Variants in SLC35F3 observed in about 807,000 individuals in gnomAD.
The protein encoded by SLC35F3 is putative thiamine transporter SLC35F3.
In SLC35F3, 25 loss-of-function variants were observed where a neutral mutation model predicts 49.9. The observed-to-expected ratio is 0.50, with a 90% confidence interval of 0.37 to 0.70. The LOEUF is 0.70. SLC35F3 is among the 30% of genes least tolerant of loss of function. The pLI is 0.00. For missense variants in SLC35F3, 525 were observed against 639.8 expected (o/e 0.82, Z 1.94); for synonymous variants, 275 against 265.4 (o/e 1.04, Z -0.35).
intron 2 of SLC35F3, among the ~76,000 whole-genome samples, chr1:234,203,722 A>G (rs1572093476): frequency 6.8e-6 from 1 of 147,410 alleles, no homozygotes; most frequent in African/African-American, 2.5e-5. Context: ...AAAAAAAAAA[A>G]GAATGGCTTC....
At chr1:234,031,798 G>C (rs558167934) in intron 2 of SLC35F3, among the ~76,000 whole-genome samples, 35 of 152,274 alleles carry the variant, frequency 2.3e-4, no homozygotes, top group African/African-American at 7.7e-4. Context: ...AAGGTCTCCT[G>C]CCTGTTATTC....
intron 2 of SLC35F3, among the ~76,000 whole-genome samples, chr1:234,197,275 CTT>C (rs1251746376): frequency 6.6e-6 from 1 of 152,144 alleles, no homozygotes; most frequent in Non-Finnish European, 1.5e-5. Flanking sequence ...ACAGTAAACT[CTT>C]TGGGCAGCCT....
rs1558267933 is a variant in SLC35F3, at chr1:234,231,777, CG to C, written c.608+39del. The C allele has an allele frequency of 6.4e-7, 1 of 1,559,454 alleles. No homozygotes were observed. The highest frequency in any genetic ancestry group is 1.7e-5 in the Admixed American group (1 of 57,470). On this transcript the variant is annotated intron_variant, in intron 3 of 7. Transcript: ENST00000366618. This position sits in a 1 kb window ranked among gnomAD's most constrained non-coding sequence, Gnocchi z 5.4. ...CCTGCATGAGGAGGCCTCCTGACCCCGGGCTGCTCCATCCAGCGCTGACTCT... is the reference window on the plus strand; with the variant it reads ...CCTGCATGAGGAGGCCTCCTGACCCCGGCTGCTCCATCCAGCGCTGACTCT...
At chr1:234,201,694 C>T (rs974675428) in intron 2 of SLC35F3, among the ~76,000 whole-genome samples, 2 of 152,108 alleles carry the variant, frequency 1.3e-5, no homozygotes, top group African/African-American at 2.4e-5. Flanking sequence ...CTTCTGAGGA[C>T]GGTCCCCACC....
intron 2 of SLC35F3, among the ~76,000 whole-genome samples, chr1:234,049,872 G>C (rs942898251): frequency 5.9e-5 from 9 of 152,120 alleles, no homozygotes; most frequent in Non-Finnish European, 1.2e-4. Flanking sequence ...CCACCTATGA[G>C]TAAGAACATA....
At position 234,085,550 on chromosome 1, in the gene SLC35F3, C is replaced by G. The variant is rs190162108; in HGVS notation, c.284-145867C>G. ...CATTTGCACGAATATGGCAATCAAT[C>G]TTGAGATGTAATTTGTATTGGGCTA... On this transcript the variant is annotated intron_variant, in intron 2 of 7. Transcript: ENST00000366618. Among the ~76,000 whole-genome samples, 3 of 152,318 alleles carry G rather than the reference C, an allele frequency of 2.0e-5. No individual in the cohort carries two copies. In the East Asian group the frequency reaches 5.8e-4, roughly 29 times the overall value.
chr1:233,945,773 C>T (rs546747775), intron 2 of SLC35F3, among the ~76,000 whole-genome samples: 1 of 152,312 alleles, frequency 6.6e-6, no homozygotes, highest in African/African-American at 2.4e-5. Flanking sequence ...GGCTCTCTGG[C>T]CTGCTGCCAC....
intron 2 of SLC35F3, among the ~76,000 whole-genome samples, chr1:234,054,535 T>C (rs1363382219): frequency 6.6e-6 from 1 of 152,216 alleles, no homozygotes; most frequent in East Asian, 1.9e-4. Context: ...TAGTTAGCCA[T>C]TCATCTAATG....
rs1571995267 is a variant in SLC35F3 at position 233,955,212 on chromosome 1, A to C, written c.283+49454A>C. On this transcript the variant is annotated intron_variant, in intron 2 of 7. Transcript: ENST00000366618. ...TGTTGGCTGGCTTCCTGTTATTTGC[A>C]ACAGAATTGATTCTCAACTGAGACA... is the stretch of plus-strand genomic sequence containing the variant. 2.0e-5 allele frequency among the ~76,000 whole-genome samples: 3 copies of C among 152,310 alleles called. No homozygotes were observed. In the South Asian group the frequency reaches 6.2e-4, roughly 32 times the overall value.
intron 2 of SLC35F3, among the ~76,000 whole-genome samples, chr1:234,106,958 A>G: frequency 6.6e-6 from 1 of 152,230 alleles, no homozygotes; most frequent in East Asian, 1.9e-4. Context: ...AAATTGTTTA[A>G]GTCACTTTTT....
chr1:234,079,066 C>T (rs939136949), intron 2 of SLC35F3, among the ~76,000 whole-genome samples: 5 of 151,784 alleles, frequency 3.3e-5, no homozygotes, highest in African/African-American at 4.8e-5. Flanking sequence ...TTTCCAATTT[C>T]AAAAGGTACT....
rs1172139664 is a variant in SLC35F3, at chr1:234,320,748, T to C, written c.1237+561T>C. 6.6e-6 allele frequency among the ~76,000 whole-genome samples: 1 copy of C among 152,164 alleles called. No homozygotes were observed. The highest frequency in any genetic ancestry group is 2.4e-5 in the African/African-American group (1 of 41,424). ...TTGCCCAGGAACTCGGGACTGCCCTTTGTTTTCCCCTGGGGACTCGTTGCC... is the reference window on the plus strand; with the variant it reads ...TTGCCCAGGAACTCGGGACTGCCCTCTGTTTTCCCCTGGGGACTCGTTGCC... On this transcript the variant is annotated intron_variant, in intron 7 of 7. Coordinates refer to ENST00000366618, the MANE Select transcript of SLC35F3 (RefSeq NM_173508.4). The surrounding 1 kb of genome is among the most constrained non-coding windows in gnomAD (Gnocchi z 4.8).
At chr1:234,203,439 G>T (rs985551405) in intron 2 of SLC35F3, among the ~76,000 whole-genome samples, 1 of 152,150 alleles carries the variant, frequency 6.6e-6, no homozygotes, top group South Asian at 2.1e-4. Flanking sequence ...TTGGCCAGGC[G>T]CAAGGGCTCA....
At chr1:234,222,395 C>T (rs1325038699) in intron 2 of SLC35F3, among the ~76,000 whole-genome samples, 1 of 152,200 alleles carries the variant, frequency 6.6e-6, no homozygotes, top group Non-Finnish European at 1.5e-5. Flanking sequence ...TTAGTCCTGC[C>T]TTGTTGATGC....
chr1:234,108,561 GAT>G lies in SLC35F3; in HGVS notation c.284-122849_284-122848del, dbSNP rs1374568801. Among the ~76,000 whole-genome samples, 7 of 102,684 alleles carry G rather than the reference GAT, an allele frequency of 6.8e-5. 1 individual carries two copies. The East Asian group carries it at 5.1e-3, about 74-fold the overall frequency. The allele number at this position is 102,684 out of a possible 152,430, so 67.4% of individuals were successfully genotyped here. On this transcript the variant is annotated intron_variant, in intron 2 of 7. Coordinates refer to ENST00000366618, the MANE Select transcript of SLC35F3 (RefSeq NM_173508.4). ...AGATATATATTATTTATATATAAAA[GAT>G]ATATATTATTTATATATATAAAAGA...
intron 3 of SLC35F3, among the ~76,000 whole-genome samples, chr1:234,290,382 T>C (rs1668487306): frequency 6.6e-6 from 1 of 152,160 alleles, no homozygotes; most frequent in African/African-American, 2.4e-5. Flanking sequence ...CAGGTAAGGG[T>C]GAATAAAATA....
intron 2 of SLC35F3, among the ~76,000 whole-genome samples, chr1:234,143,374 C>A (rs12082419): frequency 4.0e-5 from 6 of 150,570 alleles, no homozygotes; most frequent in African/African-American, 1.5e-4. Context: ...TTGCAATCTC[C>A]GCCTTCCAGG....
chr1:233,926,644 CAA>C (rs1404195350), intron 2 of SLC35F3, among the ~76,000 whole-genome samples: 1 of 152,168 alleles, frequency 6.6e-6, no homozygotes, highest in Non-Finnish European at 1.5e-5. Flanking sequence ...GTCAACTCAT[CAA>C]AGTCATTTTC....
chr1:234,054,786 T>G (rs1323770049), intron 2 of SLC35F3, among the ~76,000 whole-genome samples: 1 of 152,202 alleles, frequency 6.6e-6, no homozygotes, highest in Non-Finnish European at 1.5e-5. Context: ...TTATGTACCT[T>G]TGGTCTTTAA....
Sources: allele counts gnomAD v4.1 joint callset (sites outside exome capture counted in the v4.1 genomes callset), GRCh38; gene constraint gnomAD v4.1.1; non-coding constraint Gnocchi (gnomAD v3.1); transcripts MANE v1.5; gene names NCBI Gene and HGNC (gene_info 2026-07-23, HGNC 2026-07-21).